FLRT2: variants seen among roughly 807,000 people sequenced by gnomAD.
FLRT2 encodes fibronectin leucine rich transmembrane protein 2.
In FLRT2, 15 loss-of-function variants were observed where a neutral mutation model predicts 40.0. The ratio of observed to expected loss-of-function variants is 0.38; its 90% CI spans 0.25 to 0.58. The LOEUF (loss-of-function observed/expected upper bound fraction) is 0.58, where lower values mean the gene tolerates loss of function less well. FLRT2 is among the 20% of genes least tolerant of loss of function. FLRT2 has a pLI of 0.71. For missense variants in FLRT2, 726 were observed against 840.0 expected (o/e 0.86, Z 1.68); for synonymous variants, 380 against 336.8 (o/e 1.13, Z -1.41).
chr14:85,589,316 G>A (rs905820374), intron 1 of FLRT2, among the ~76,000 whole-genome samples: 1 of 152,130 alleles, frequency 6.6e-6, no homozygotes, highest in South Asian at 2.1e-4. Flanking sequence ...TTACTGGGGT[G>A]TGATGATATC....
chr14:85,590,761 C>A (rs923197189), intron 1 of FLRT2, among the ~76,000 whole-genome samples: 141 of 152,142 alleles, frequency 9.3e-4, no homozygotes, highest in Middle Eastern at 3.4e-3. Context: ...CCATGCCTGG[C>A]TAATTTTTGT....
intron 1 of FLRT2, among the ~76,000 whole-genome samples, chr14:85,604,637 G>T (rs1429237975): frequency 6.6e-6 from 1 of 151,940 alleles, no homozygotes; most frequent in African/African-American, 2.4e-5. Context: ...AATAAGCCTA[G>T]GACTGTTTTT....
chr14:85,560,148 A>C (rs1427195633), intron 1 of FLRT2, among the ~76,000 whole-genome samples: 1 of 151,540 alleles, frequency 6.6e-6, no homozygotes, highest in African/African-American at 2.4e-5. Flanking sequence ...CATGTCTCCA[A>C]CTCCATGTGG....
chr14:85,611,728 C>T (rs1030558028), intron 1 of FLRT2, among the ~76,000 whole-genome samples: 4 of 152,144 alleles, frequency 2.6e-5, no homozygotes, highest in African/African-American at 9.7e-5. Context: ...TCATCACTCT[C>T]ACTGTTTTAA....
At chr14:85,574,019 G>T (rs1196393022) in intron 1 of FLRT2, among the ~76,000 whole-genome samples, 1 of 152,108 alleles carries the variant, frequency 6.6e-6, no homozygotes, top group African/African-American at 2.4e-5. Context: ...GTGGTGCTTG[G>T]CCCGTAAGAG....
chr14:85,570,832 G>A (rs574193603), intron 1 of FLRT2, among the ~76,000 whole-genome samples: 63 of 151,748 alleles, frequency 4.2e-4, no homozygotes, highest in Middle Eastern at 3.4e-3. Flanking sequence ...TGATCCGCCC[G>A]CCTCGGCCTC....
rs552454197 is a variant in FLRT2 at position 85,626,306 on chromosome 14, C to T, written c.*2809C>T. On this transcript the variant is annotated 3_prime_UTR_variant, in exon 2 of 2. Coordinates refer to ENST00000330753, the MANE Select transcript of FLRT2 (RefSeq NM_013231.6). ...ATATATCTGCTCTGTGTTTGGGCCT[C>T]TCTTGCTGTCATTATGATGTATTTT... The T allele has an allele frequency of 1.6e-3, 265 of 167,170 alleles. 1 individual carries two copies. The highest frequency in any genetic ancestry group is 3.1e-3 in the South Asian group (15 of 4,828). The allele number at this position is 167,170 out of a possible 1,614,324, so 10.4% of individuals were successfully genotyped here.
chr14:85,541,848 C>T (rs956881657), intron 1 of FLRT2, among the ~76,000 whole-genome samples: 8 of 152,124 alleles, frequency 5.3e-5, no homozygotes, highest in Non-Finnish European at 1.2e-4. Flanking sequence ...GTCCTTCTGC[C>T]GATGACACCA....
At chr14:85,560,988 A>G (rs1261811166) in intron 1 of FLRT2, 1 of 152,220 alleles carries the variant, frequency 6.6e-6, no homozygotes, top group African/African-American at 2.4e-5. Context: ...AGAAAAACGC[A>G]TGCTCCAAAT....
intron 1 of FLRT2, among the ~76,000 whole-genome samples, chr14:85,532,286 C>T (rs937452958): frequency 1.3e-5 from 2 of 152,166 alleles, no homozygotes; most frequent in Admixed American, 1.3e-4. Context: ...GCTCTTGGCG[C>T]GGGCTCGTTC....
At chr14:85,580,844 G>T (rs1048627219) in intron 1 of FLRT2, among the ~76,000 whole-genome samples, 1 of 152,096 alleles carries the variant, frequency 6.6e-6, no homozygotes, top group Non-Finnish European at 1.5e-5. Context: ...AGTAAAAAAA[G>T]AAATCCCTCA....
At chr14:85,602,174 G>A (rs541877344) in intron 1 of FLRT2, among the ~76,000 whole-genome samples, 7 of 152,146 alleles carry the variant, frequency 4.6e-5, no homozygotes, top group Middle Eastern at 3.4e-3. Flanking sequence ...TTATACATAC[G>A]TACACCCTGT....
intron 1 of FLRT2, among the ~76,000 whole-genome samples, chr14:85,537,010 G>A (rs1708332110): frequency 6.6e-6 from 1 of 152,166 alleles, no homozygotes; most frequent in East Asian, 1.9e-4. Flanking sequence ...AACTTGAGAC[G>A]AGCTCAAAAT....
At chr14:85,573,404 C>T (rs1378696253) in intron 1 of FLRT2, among the ~76,000 whole-genome samples, 1 of 152,136 alleles carries the variant, frequency 6.6e-6, no homozygotes, top group East Asian at 1.9e-4. Flanking sequence ...TTTTTCTTTA[C>T]TCGCTTTTAA....
rs950020540 is a variant in FLRT2 at position 85,651,855 on chromosome 14, C to A, written c.*28358C>A. ...TCAGCATGCATATTTGACTTAAATTCTAAAATTAATAAACACTTTCTTAAT... is the reference window on the plus strand; with the variant it reads ...TCAGCATGCATATTTGACTTAAATTATAAAATTAATAAACACTTTCTTAAT... On this transcript the variant is annotated 3_prime_UTR_variant, in exon 2 of 2. Coordinates refer to ENST00000330753, the MANE Select transcript of FLRT2 (RefSeq NM_013231.6). The A allele has an allele frequency of 6.6e-6, 1 of 151,976 alleles. No homozygotes were observed. Among genetic ancestry groups the A allele is most frequent in the Non-Finnish European group, 1.5e-5 (1 of 67,960 alleles). The allele number at this position is 151,976 out of a possible 1,614,324, so 9.4% of individuals were successfully genotyped here.
rs1337066969 is a variant in FLRT2, at chr14:85,648,215, T to C, written c.*24718T>C. On this transcript the variant is annotated 3_prime_UTR_variant, in exon 2 of 2. Coordinates refer to ENST00000330753, the MANE Select transcript of FLRT2 (RefSeq NM_013231.6). ...ATGTTAGGCAGGTGCATGTTGTTAT[T>C]GCTACTTTTTTCAAGTCTAAGTTCT... 6.6e-6 allele frequency: 1 copy of C among 152,120 alleles called. No homozygotes were observed. Among genetic ancestry groups the C allele is most frequent in the African/African-American group, 2.4e-5 (1 of 41,416 alleles). 9.4% of individuals were successfully genotyped at this position (152,120 alleles called of 1,614,324 possible).
At chr14:85,549,810 ATTTTTTT>A (rs61018495) in intron 1 of FLRT2, among the ~76,000 whole-genome samples, 3 of 134,904 alleles carry the variant, frequency 2.2e-5, no homozygotes, top group Non-Finnish European at 3.2e-5. Context: ...ACACATAGCT[ATTTTTTT>A]TTTTTTTTTT....
rs780478217 is a variant in FLRT2 at position 85,647,814 on chromosome 14, C to G, written c.*24317C>G. ...TAAAAACCCCTCAGGAATTAGGATT[C>G]GGGTCACCCTGCTTGGCAGAGCCCT... On this transcript the variant is annotated 3_prime_UTR_variant, in exon 2 of 2. Coordinates refer to ENST00000330753, the MANE Select transcript of FLRT2 (RefSeq NM_013231.6). The G allele has an allele frequency of 2.6e-5, 4 of 152,062 alleles. No individual in the cohort carries two copies. Among genetic ancestry groups the G allele is most frequent in the Non-Finnish European group, 5.9e-5 (4 of 68,030 alleles). The allele number at this position is 152,062 out of a possible 1,614,324, so 9.4% of individuals were successfully genotyped here.
intron 1 of FLRT2, chr14:85,560,968 T>C (rs1247513104): frequency 6.6e-6 from 1 of 152,196 alleles, no homozygotes; most frequent in Non-Finnish European, 1.5e-5. Flanking sequence ...ATTATCATAA[T>C]TCCCCAAACA....
Sources: allele counts gnomAD v4.1 joint callset (sites outside exome capture counted in the v4.1 genomes callset), GRCh38; gene constraint gnomAD v4.1.1; transcripts MANE v1.5; gene names NCBI Gene and HGNC (gene_info 2026-07-23, HGNC 2026-07-21).